THRB: variants seen among roughly 807,000 people sequenced by gnomAD.
THRB encodes the protein thyroid hormone receptor beta.
Under a neutral mutation model 47.8 loss-of-function variants are expected in THRB, and 12 were observed. That is an observed-to-expected ratio of 0.25 (90% CI 0.16 to 0.41). The LOEUF is 0.41. THRB is among the 10% of genes least tolerant of loss of function. THRB has a pLI of 1.00. For missense variants in THRB, 348 were observed against 589.2 expected (o/e 0.59, Z 4.24); for synonymous variants, 218 against 212.2 (o/e 1.03, Z -0.24).
At chr3:24,174,072 CA>C (rs2040812000) in intron 5 of THRB, among the ~76,000 whole-genome samples, 1 of 135,602 alleles carries the variant, frequency 7.4e-6, no homozygotes, top group Admixed American at 7.4e-5. Context: ...GCAGGACGTG[CA>C]GGTTTGTTAC....
At chr3:24,196,647 A>C in intron 4 of THRB, among the ~76,000 whole-genome samples, 1 of 152,220 alleles carries the variant, frequency 6.6e-6, no homozygotes, top group East Asian at 1.9e-4. Flanking sequence ...TTAATGGCTA[A>C]GAACCTGGGA....
chr3:24,147,300 T>C (rs552138551), intron 6 of THRB, among the ~76,000 whole-genome samples: 1 of 152,288 alleles, frequency 6.6e-6, no homozygotes, highest in South Asian at 2.1e-4. Context: ...AAAAATCTAA[T>C]AATTTAGTAA....
chr3:24,341,636 CT>C (rs1256340754), intron 1 of THRB, among the ~76,000 whole-genome samples: 1 of 152,154 alleles, frequency 6.6e-6, no homozygotes, highest in African/African-American at 2.4e-5. Flanking sequence ...TGTAGTTCCT[CT>C]CACTGAAGAG....
At chr3:24,437,052 A>G (rs987461832) in intron 1 of THRB, among the ~76,000 whole-genome samples, 2 of 150,960 alleles carry the variant, frequency 1.3e-5, no homozygotes, top group African/African-American at 4.9e-5. Flanking sequence ...CCATTATCAT[A>G]AAAATGTGTA....
chr3:24,359,314 G>A (rs967435729), intron 1 of THRB, among the ~76,000 whole-genome samples: 2 of 152,168 alleles, frequency 1.3e-5, no homozygotes, highest in Non-Finnish European at 1.5e-5. Context: ...GTTCCCAGAT[G>A]TGGCCTCTCC....
chr3:24,462,106 G>A (rs993597977), intron 1 of THRB, among the ~76,000 whole-genome samples: 8 of 151,894 alleles, frequency 5.3e-5, no homozygotes, highest in Non-Finnish European at 8.8e-5. Context: ...TTTCTAAAAT[G>A]AGCATTCATT....
intron 1 of THRB, among the ~76,000 whole-genome samples, chr3:24,346,560 T>C (rs79451188): frequency 6.6e-6 from 1 of 152,004 alleles, no homozygotes. Flanking sequence ...AAATGCTGCT[T>C]AACTGAGACA....
intron 10 of THRB, among the ~76,000 whole-genome samples, 163 bp downstream of exon 10, chr3:24,127,336 C>G (rs921491485): frequency 3.9e-5 from 6 of 152,166 alleles, no homozygotes; most frequent in Non-Finnish European, 5.9e-5. Context: ...CTGACGCCCC[C>G]CCTTTAAGTT....
At chr3:24,284,733 A>C (rs1253963537) in intron 3 of THRB, among the ~76,000 whole-genome samples, 2 of 149,790 alleles carry the variant, frequency 1.3e-5, no homozygotes, top group South Asian at 2.1e-4. Flanking sequence ...ACAGATTTAC[A>C]AGAAAAAAAC....
chr3:24,135,268 G>A (rs955957823), intron 8 of THRB, among the ~76,000 whole-genome samples: 3 of 152,192 alleles, frequency 2.0e-5, no homozygotes, highest in African/African-American at 7.2e-5. Flanking sequence ...CTTGGTGCCA[G>A]AGCACCAGGG....
intron 1 of THRB, among the ~76,000 whole-genome samples, chr3:24,378,615 T>A (rs555380017): frequency 6.6e-6 from 1 of 152,164 alleles, no homozygotes; most frequent in African/African-American, 2.4e-5. Context: ...ATATAGGCCA[T>A]TGAGCCTTTC....
Position 24,481,229 on chromosome 3 carries a change from G to GTTTTTTTTTTTTTTTTTTTT in THRB, c.-261+13403_-261+13422dup, listed in dbSNP as rs746323691. Among the ~76,000 whole-genome samples, 51 of 55,364 alleles carry GTTTTTTTTTTTTTTTTTTTT rather than the reference G, an allele frequency of 9.2e-4. 3 individuals are homozygous for GTTTTTTTTTTTTTTTTTTTT. Among genetic ancestry groups the GTTTTTTTTTTTTTTTTTTTT allele is most frequent in the Non-Finnish European group, 1.2e-3 (35 of 30,266 alleles). 36.3% of individuals were successfully genotyped at this position (55,364 alleles called of 152,430 possible). A position where few individuals can be genotyped will look rare whatever the true frequency, so the allele number is the denominator to read the frequency against. On this transcript the variant is annotated intron_variant, in intron 1 of 10. Coordinates refer to ENST00000646209, the MANE Select transcript of THRB (RefSeq NM_001354712.2). Reference sequence around the variant, plus strand: ...TATATGTGTGGATGCGTTTCTTTCTGTTTTTTTTTTTTTTTTTTTTTTTTT... The same window carrying GTTTTTTTTTTTTTTTTTTTT: ...TATATGTGTGGATGCGTTTCTTTCTGTTTTTTTTTTTTTTTTTTTTTTTTTTTTTTTTTTTTTTTTTTTTT...
At chr3:24,204,594 T>C (rs900075292) in intron 4 of THRB, among the ~76,000 whole-genome samples, 1 of 152,020 alleles carries the variant, frequency 6.6e-6, no homozygotes, top group African/African-American at 2.4e-5. Flanking sequence ...ATATCAGAGC[T>C]CCTCTCCCCC....
At chr3:24,162,165 A>G (rs2038953538) in intron 5 of THRB, among the ~76,000 whole-genome samples, 1 of 151,226 alleles carries the variant, frequency 6.6e-6, no homozygotes, top group Non-Finnish European at 1.5e-5. Context: ...TTCCACCCAC[A>G]AAAGGATTTT....
chr3:24,388,884 T>C (rs1288060718), intron 1 of THRB, among the ~76,000 whole-genome samples: 2 of 152,172 alleles, frequency 1.3e-5, no homozygotes, highest in Non-Finnish European at 2.9e-5. Context: ...GGGCTGGTTC[T>C]GTGTAGTAGT....
intron 2 of THRB, among the ~76,000 whole-genome samples, chr3:24,326,322 G>A (rs946955726): frequency 1.3e-5 from 2 of 152,034 alleles, no homozygotes; most frequent in East Asian, 1.9e-4. Flanking sequence ...TGCAACCTCC[G>A]CCTCCCAGGT....
chr3:24,473,610 A>G (rs572428418), intron 1 of THRB, among the ~76,000 whole-genome samples: 1 of 152,346 alleles, frequency 6.6e-6, no homozygotes, highest in South Asian at 2.1e-4. Context: ...AAGGATTATA[A>G]ATCATTCTAC....
intron 1 of THRB, among the ~76,000 whole-genome samples, chr3:24,347,226 G>T (rs1329790010): frequency 6.6e-6 from 1 of 152,008 alleles, no homozygotes; most frequent in Non-Finnish European, 1.5e-5. Flanking sequence ...TCAAGTGTGT[G>T]AGATGCAGCT....
Position 24,327,601 on chromosome 3 carries a change from G to T in THRB, c.-189+9699C>A, listed in dbSNP as rs116579301. Among the ~76,000 whole-genome samples, 664 of 152,280 alleles carry T rather than the reference G, an allele frequency of 4.4e-3. 2 individuals carry two copies. Among genetic ancestry groups the T allele is most frequent in the African/African-American group, 0.016 (646 of 41,562 alleles). ...ATATCTGTAAATAAAACAGACAAAG[G>T]TTCCTGTGTCCTTATTCTCAAGGAG... is the stretch of plus-strand genomic sequence containing the variant. On this transcript the variant is annotated intron_variant, in intron 2 of 10. Coordinates refer to ENST00000646209, the MANE Select transcript of THRB (RefSeq NM_001354712.2).
Sources: allele counts gnomAD v4.1 joint callset (sites outside exome capture counted in the v4.1 genomes callset), GRCh38; gene constraint gnomAD v4.1.1; transcripts MANE v1.5; gene names NCBI Gene and HGNC (gene_info 2026-07-23, HGNC 2026-07-21).